The following CEMIP variants were observed in gnomAD, a reference collection of about 807,000 sequenced individuals.
CEMIP encodes the protein cell migration-inducing and hyaluronan-binding protein.
A neutral mutation model predicts 156.9 loss-of-function variants in CEMIP; 105 were observed. That is an observed-to-expected ratio of 0.67 (90% CI 0.57 to 0.79). The LOEUF (loss-of-function observed/expected upper bound fraction) is 0.79, where lower values mean the gene tolerates loss of function less well. CEMIP is among the 30% of genes least tolerant of loss of function. The pLI is 0.00. For missense variants in CEMIP, 1,457 were observed against 1,769.4 expected, an observed-to-expected ratio of 0.82 and a Z score of 3.17; for synonymous variants, 676 against 668.4, an observed-to-expected ratio of 1.01 and a Z score of -0.17.
At chr15:80,803,173 A>G (rs1318472527) in intron 1 of CEMIP, among the ~76,000 whole-genome samples, 1 of 152,122 alleles carries the variant, frequency 6.6e-6, no homozygotes, top group African/African-American at 2.4e-5. Flanking sequence ...AAGAAACCAG[A>G]CTTTACATCA....
At chr15:80,865,668 T>A (rs1023923316) in intron 1 of CEMIP, among the ~76,000 whole-genome samples, 85 of 148,618 alleles carry the variant, frequency 5.7e-4, no homozygotes, top group African/African-American at 2.0e-3. Context: ...TTTTTTTTTT[T>A]ATAGCTCATC....
chr15:80,937,815 G>C lies in CEMIP; in HGVS notation c.3243G>C (p.Gly1081=). ...NFNKGDWIRV[G]LCYPRGTTFS... is the part of the protein sequence containing the mutation. ...CTAGGGGCGACTGGATCCGAGTGGG[G>C]CTCTGCTACCCGCGAGGCACCACAT... The change falls in exon 25 of 30, where the codon GGG becomes GGC. Residue 1081 remains glycine (G), a synonymous_variant. Coordinates refer to ENST00000394685, the MANE Select transcript of CEMIP (RefSeq NM_001293298.2). The C allele has an allele frequency of 6.2e-7, 1 of 1,614,242 alleles. No homozygotes were observed. The highest frequency in any genetic ancestry group is 8.5e-7 in the Non-Finnish European group (1 of 1,180,042).
chr15:80,879,600 G>A, intron 4 of CEMIP, 116 bp from the exon 5 acceptor site: 1 of 1,173,162 alleles, frequency 8.5e-7, no homozygotes, highest in Non-Finnish European at 1.3e-6. Context: ...TGGAAGATGT[G>A]CCTTTTTGCC....
At chr15:80,785,841 T>C (rs934783089) in intron 1 of CEMIP, among the ~76,000 whole-genome samples, 1 of 152,172 alleles carries the variant, frequency 6.6e-6, no homozygotes, top group Non-Finnish European at 1.5e-5. Context: ...TCCAGGTCCA[T>C]AAGCTCCCTT....
intron 1 of CEMIP, among the ~76,000 whole-genome samples, chr15:80,839,289 A>AGTGAGT (rs1897334392): frequency 7.6e-6 from 1 of 131,120 alleles, no homozygotes; most frequent in Non-Finnish European, 1.6e-5. Flanking sequence ...CAAGGCCGTG[A>AGTGAGT]GTGTGTGTGT....
intron 1 of CEMIP, among the ~76,000 whole-genome samples, chr15:80,870,315 C>T (rs1336071169): frequency 6.6e-6 from 1 of 152,208 alleles, no homozygotes; most frequent in Non-Finnish European, 1.5e-5. Flanking sequence ...CTCATCTCGC[C>T]TCCTGCCTTA....
intron 12 of CEMIP, among the ~76,000 whole-genome samples, chr15:80,899,719 A>G (rs909950325): frequency 2.6e-5 from 4 of 152,328 alleles, no homozygotes; most frequent in South Asian, 2.1e-4. Flanking sequence ...ATTGAAGGGC[A>G]GAAGCCTACT....
At chr15:80,872,026 T>A (rs1047711302) in intron 1 of CEMIP, among the ~76,000 whole-genome samples, 4 of 152,136 alleles carry the variant, frequency 2.6e-5, no homozygotes, top group Non-Finnish European at 4.4e-5. Flanking sequence ...TCCCCCGGCC[T>A]CCCAAGCACA....
chr15:80,841,369 TGGA>T (rs1263992162), intron 1 of CEMIP, among the ~76,000 whole-genome samples: 1 of 151,532 alleles, frequency 6.6e-6, no homozygotes, highest in Non-Finnish European at 1.5e-5. Context: ...GGGTTGGGGG[TGGA>T]GAAAATGCTC....
At chr15:80,918,344 G>A (rs562747265) in intron 14 of CEMIP, among the ~76,000 whole-genome samples, 158 of 152,246 alleles carry the variant, frequency 1.0e-3, no homozygotes, top group Non-Finnish European at 1.9e-3. Context: ...TCTCAATCAG[G>A]GATGATTCTG....
intron 1 of CEMIP, among the ~76,000 whole-genome samples, chr15:80,799,511 T>G (rs1365256437): frequency 6.6e-6 from 1 of 152,214 alleles, no homozygotes; most frequent in Non-Finnish European, 1.5e-5. Context: ...TATGAAAGGT[T>G]TATTCACAAA....
intron 1 of CEMIP, among the ~76,000 whole-genome samples, chr15:80,794,405 CA>C: frequency 6.6e-6 from 1 of 152,242 alleles, no homozygotes; most frequent in South Asian, 2.1e-4. Flanking sequence ...CAGCAGTGAC[CA>C]AAATGAGCTG....
chr15:80,831,392 G>A (rs923705051), intron 1 of CEMIP, among the ~76,000 whole-genome samples: 2 of 152,124 alleles, frequency 1.3e-5, no homozygotes, highest in Non-Finnish European at 2.9e-5. Flanking sequence ...AGCAGAGCTC[G>A]ATGGGCTCAG....
chr15:80,920,256 G>T lies in CEMIP; in HGVS notation c.1960G>T (p.Asp654Tyr). 1 of 1,614,136 alleles carries T rather than the reference G, an allele frequency of 6.2e-7. No individual in the cohort carries two copies. Among genetic ancestry groups the T allele is most frequent in the Non-Finnish European group, 8.5e-7 (1 of 1,180,034 alleles). Residue 654 changes from aspartate to tyrosine, a missense_variant, in exon 15 of 30, where the codon GAC becomes TAC. Around this residue, in one of 5 missense-constraint regions of CEMIP, gnomAD observed 798 missense variants for 980.1 expected, o/e 0.81. Transcript: ENST00000394685. The part of the protein sequence containing the change: ...DSKMCKMITE[D>Y]SYPGYIPKPR... ...CAAGATGTGCAAGATGATCACAGAG[G>T]ACTCCTACCCGGGGTACATCCCCAA...
chr15:80,810,627 T>C (rs1047050250), intron 1 of CEMIP, among the ~76,000 whole-genome samples: 4 of 152,210 alleles, frequency 2.6e-5, no homozygotes, highest in African/African-American at 7.2e-5. Flanking sequence ...AGTGCTGGGA[T>C]TACAGGCGTG....
intron 24 of CEMIP, 147 bp from the exon 25 acceptor site, chr15:80,937,647 G>C: frequency 1.4e-6 from 1 of 727,428 alleles, no homozygotes. Flanking sequence ...CAGTCACCAC[G>C]ACAGCAAATG....
chr15:80,879,019 C>A, intron 4 of CEMIP, 152 bp downstream of exon 4: 1 of 1,028,780 alleles, frequency 9.7e-7, no homozygotes, highest in Non-Finnish European at 1.5e-6. Flanking sequence ...TAACCATCAG[C>A]TCTGAGCTGT....
rs10596688 is a variant in CEMIP, at chr15:80,911,527, CCACA to C, written c.1797+2247_1797+2250del. ...TGTTGTGAATCTCAGGGAAAATACA[CCACA>C]CACACACACACACACACACACACAC... On this transcript the variant is annotated intron_variant, in intron 14 of 29. Transcript: ENST00000394685. Among the ~76,000 whole-genome samples, 592 of 148,054 alleles carry C rather than the reference CCACA, an allele frequency of 4.0e-3. 1 individual carries two copies. Among genetic ancestry groups the C allele is most frequent in the Middle Eastern group, 0.027 (8 of 292 alleles).
At chr15:80,900,585 G>GGGTGTGT (rs1218716074) in intron 12 of CEMIP, among the ~76,000 whole-genome samples, 9 of 74,932 alleles carry the variant, frequency 1.2e-4, no homozygotes, top group Non-Finnish European at 1.7e-4. Context: ...CCCAGGTAGG[G>GGGTGTGT]GTGTGTGTGT....
Sources: gnomAD v4.1 joint callset for allele counts (sites outside exome capture counted in the v4.1 genomes callset) on GRCh38, gnomAD v4.1.1 for gene constraint, gnomAD v4.1.1 regional missense constraint, MANE v1.5 for transcripts, NCBI Gene and HGNC (gene_info 2026-07-23, HGNC 2026-07-21) for gene names.